RALGPS2: variants seen among roughly 807,000 people sequenced by gnomAD.
RALGPS2 encodes the protein ras-specific guanine nucleotide-releasing factor RalGPS2.
Under a neutral mutation model 86.8 loss-of-function variants are expected in RALGPS2, and 43 were observed. That is an observed-to-expected ratio of 0.50 (90% confidence interval 0.39 to 0.64). The LOEUF is 0.64. RALGPS2 is among the 30% of genes least tolerant of loss of function. RALGPS2 has a pLI of 0.00. For missense variants in RALGPS2, 536 were observed against 694.6 expected, an observed-to-expected ratio of 0.77 and a Z score of 2.57; for synonymous variants, 243 against 231.3, an observed-to-expected ratio of 1.05 and a Z score of -0.46.
chr1:178,726,685 A>G (rs1464232532), intron 1 of RALGPS2, among the ~76,000 whole-genome samples: 1 of 152,102 alleles, frequency 6.6e-6, no homozygotes, highest in Non-Finnish European at 1.5e-5. Context: ...GTTGCTATAG[A>G]GAGCCTTTTC....
At chr1:178,801,831 G>A (rs1304606436) in intron 4 of RALGPS2, among the ~76,000 whole-genome samples, 2 of 146,510 alleles carry the variant, frequency 1.4e-5, no homozygotes, top group African/African-American at 2.5e-5. Flanking sequence ...AGGGAGGGAG[G>A]GAGGGAGAGG....
At chr1:178,779,609 T>A (rs186531935) in intron 2 of RALGPS2, among the ~76,000 whole-genome samples, 2 of 152,356 alleles carry the variant, frequency 1.3e-5, no homozygotes, top group African/African-American at 4.8e-5. Flanking sequence ...GTCCACAAAA[T>A]CAAGTTTCTT....
chr1:178,874,501 G>A (rs548074691), intron 8 of RALGPS2, among the ~76,000 whole-genome samples: 400 of 152,214 alleles, frequency 2.6e-3, no homozygotes, highest in African/African-American at 9.0e-3. Flanking sequence ...GCAAGAACTG[G>A]CACATTAGTA....
chr1:178,891,003 T>C (rs918157903), intron 14 of RALGPS2, among the ~76,000 whole-genome samples: 4 of 152,042 alleles, frequency 2.6e-5, no homozygotes, highest in Admixed American at 6.6e-5. Flanking sequence ...CTGTAATCTT[T>C]ATATTTAAAA....
chr1:178,831,627 G>GCCCCCCCCA (rs1491462323), intron 7 of RALGPS2, among the ~76,000 whole-genome samples: 1 of 88,132 alleles, frequency 1.1e-5, no homozygotes, highest in Non-Finnish European at 2.3e-5. Flanking sequence ...TGTCCGCCCC[G>GCCCCCCCCA]CCCCCCCCAC....
chr1:178,798,671 CT>C (rs1218367815), intron 4 of RALGPS2, among the ~76,000 whole-genome samples: 1 of 151,972 alleles, frequency 6.6e-6, no homozygotes, highest in Non-Finnish European at 1.5e-5. Context: ...GAAGTCATCA[CT>C]TTTCATACAC....
intron 8 of RALGPS2, among the ~76,000 whole-genome samples, chr1:178,845,478 A>G (rs1488744280): frequency 2.0e-5 from 3 of 152,190 alleles, no homozygotes; most frequent in African/African-American, 7.2e-5. Context: ...AACAGAATGT[A>G]AGCCCCTATT....
At chr1:178,845,480 G>A (rs1656824644) in intron 8 of RALGPS2, among the ~76,000 whole-genome samples, 1 of 152,072 alleles carries the variant, frequency 6.6e-6, no homozygotes, top group African/African-American at 2.4e-5. Context: ...CAGAATGTAA[G>A]CCCCTATTTG....
intron 1 of RALGPS2, among the ~76,000 whole-genome samples, chr1:178,748,146 C>G (rs1457080074): frequency 1.3e-5 from 2 of 151,822 alleles, no homozygotes; most frequent in Admixed American, 1.3e-4. Context: ...ATGGTGAAAC[C>G]CTGTCTCTGC....
intron 6 of RALGPS2, among the ~76,000 whole-genome samples, chr1:178,812,548 A>G (rs934174263): frequency 2.0e-5 from 3 of 152,322 alleles, no homozygotes; most frequent in African/African-American, 7.2e-5. Context: ...TTTCAGGGCT[A>G]TATCTGTCCG....
chr1:178,808,234 G>T, intron 5 of RALGPS2, 106 bp downstream of exon 5: 2 of 787,788 alleles, frequency 2.5e-6, no homozygotes, highest in Non-Finnish European at 4.2e-6. Context: ...AATATTTTCA[G>T]CCAGTATCTC....
At chr1:178,915,233 G>A (rs569900927) in intron 19 of RALGPS2, among the ~76,000 whole-genome samples, 1 of 152,060 alleles carries the variant, frequency 6.6e-6, no homozygotes, top group African/African-American at 2.4e-5. Flanking sequence ...TTAAATACAA[G>A]TTTCTTTTTT....
At chr1:178,813,201 G>A (rs1655072509) in intron 6 of RALGPS2, among the ~76,000 whole-genome samples, 1 of 152,048 alleles carries the variant, frequency 6.6e-6, no homozygotes. Flanking sequence ...CCAAAGTGCT[G>A]GGATTATAGG....
intron 1 of RALGPS2, among the ~76,000 whole-genome samples, chr1:178,727,917 C>T (rs1344615231): frequency 6.6e-6 from 1 of 152,124 alleles, no homozygotes; most frequent in East Asian, 1.9e-4. Context: ...GTAGAAACTC[C>T]TCTGATAACT....
intron 1 of RALGPS2, among the ~76,000 whole-genome samples, chr1:178,755,246 TTG>T (rs1423623341): frequency 6.6e-6 from 1 of 152,198 alleles, no homozygotes; most frequent in African/African-American, 2.4e-5. Flanking sequence ...CCTGGGTATA[TTG>T]TGTTATGCTG....
intron 19 of RALGPS2, among the ~76,000 whole-genome samples, chr1:178,908,351 G>A (rs150514326): frequency 6.6e-6 from 1 of 152,182 alleles, no homozygotes; most frequent in Admixed American, 6.5e-5. Flanking sequence ...AGGCACGTAG[G>A]TTGATTCCAT....
At chr1:178,767,834 C>T (rs1652590359) in intron 1 of RALGPS2, among the ~76,000 whole-genome samples, 1 of 152,164 alleles carries the variant, frequency 6.6e-6, no homozygotes, top group Admixed American at 6.5e-5. Flanking sequence ...GTGCAGCTTG[C>T]CTGGCTACCA....
chr1:178,860,927 A>G (rs1339950598), intron 8 of RALGPS2, among the ~76,000 whole-genome samples: 6 of 152,232 alleles, frequency 3.9e-5, no homozygotes, highest in Admixed American at 2.6e-4. Flanking sequence ...TAAAAATAAC[A>G]TAAGTGAATA....
chr1:178,912,027 G>A (rs1660649194), intron 19 of RALGPS2, among the ~76,000 whole-genome samples: 1 of 152,072 alleles, frequency 6.6e-6, no homozygotes, highest in Admixed American at 6.6e-5. Context: ...AGCAACCTTT[G>A]TTCTTTTTTG....
Sources: allele counts gnomAD v4.1 joint callset (sites outside exome capture counted in the v4.1 genomes callset), GRCh38; gene constraint gnomAD v4.1.1; transcripts MANE v1.5; gene names NCBI Gene and HGNC (gene_info 2026-07-23, HGNC 2026-07-21).